Variants in KDM4B observed in about 807,000 individuals in gnomAD.
KDM4B encodes the protein lysine-specific demethylase 4B.
KDM4B carries 32 observed loss-of-function variants against 125.2 expected under a neutral mutation model. The observed-to-expected ratio is 0.26, with a 90% confidence interval of 0.19 to 0.34. The LOEUF (loss-of-function observed/expected upper bound fraction) is 0.34. KDM4B is among the 10% of genes least tolerant of loss of function. KDM4B has a pLI of 1.00. For synonymous variants in KDM4B, 721 were observed against 677.9 expected, an observed-to-expected ratio of 1.06 and a Z score of -0.99; for missense variants, 1,190 against 1,577.7, an observed-to-expected ratio of 0.75 and a Z score of 4.16.
chr19:4,992,830 C>A (rs1017345877), intron 1 of KDM4B, among the ~76,000 whole-genome samples: 3 of 152,162 alleles, frequency 2.0e-5, no homozygotes, highest in Non-Finnish European at 2.9e-5. Context: ...CTGTTCAACC[C>A]TGTGATTATT....
intron 13 of KDM4B, among the ~76,000 whole-genome samples, chr19:5,133,496 C>T (rs984214539): frequency 5.9e-5 from 9 of 152,192 alleles, no homozygotes; most frequent in Admixed American, 3.3e-4. Flanking sequence ...GTAGGGCAGC[C>T]GGGGCAGGGC....
intron 1 of KDM4B, among the ~76,000 whole-genome samples, chr19:5,014,607 C>T (rs1376423574): frequency 6.6e-6 from 1 of 152,152 alleles, no homozygotes; most frequent in Non-Finnish European, 1.5e-5. Flanking sequence ...GACAGAGTCT[C>T]ACTATGTTGG....
intron 11 of KDM4B, 85 bp downstream of exon 11, chr19:5,119,937 C>G (rs1322425585): frequency 9.8e-6 from 14 of 1,433,852 alleles, no homozygotes; most frequent in Non-Finnish European, 1.3e-5. Flanking sequence ...CCTGCTACAG[C>G]CAGAGTCCCC....
rs747587630 is a variant in KDM4B, at chr19:5,144,331, C to T, written c.2820C>T (p.Ile940=). 54 of 1,579,570 alleles carry T rather than the reference C, an allele frequency of 3.4e-5. No homozygotes were observed. Among genetic ancestry groups the T allele is most frequent in the East Asian group, 1.2e-4 (5 of 43,108 alleles). Residue 940 remains isoleucine (I), a synonymous_variant, in exon 20 of 23, where the codon ATC becomes ATT. Coordinates refer to ENST00000159111, the MANE Select transcript of KDM4B (RefSeq NM_015015.3). ...GGCTGTACTACCGCTGTCGCGTCAT[C>T]GGTGCCGCCTCGCAGACCTGCTACG... ...RNGLYYRCRV[I]GAASQTCYEV...
chr19:5,146,962 A>AAAC (rs374597561), intron 21 of KDM4B, among the ~76,000 whole-genome samples: 1 of 148,128 alleles, frequency 6.8e-6, no homozygotes, highest in African/African-American at 2.5e-5. Context: ...AAAAAAAAAA[A>AAAC]CAAAAACTCT....
chr19:5,074,273 AGGCAGCTGGGG>A (rs747278314), intron 7 of KDM4B: 11 of 152,386 alleles, frequency 7.2e-5, no homozygotes, highest in Non-Finnish European at 1.3e-4. Context: ...CCCCTCTGGA[AGGCAGCTGGGG>A]GCAGGATGGG....
chr19:5,025,860 T>A (rs555129939), intron 2 of KDM4B, among the ~76,000 whole-genome samples: 64 of 152,292 alleles, frequency 4.2e-4, no homozygotes, highest in South Asian at 3.7e-3. Context: ...TCCTTTTTTT[T>A]AAATTTATTT....
intron 2 of KDM4B, among the ~76,000 whole-genome samples, chr19:5,018,425 G>A (rs2035959588): frequency 2.0e-5 from 3 of 152,202 alleles, no homozygotes; most frequent in African/African-American, 7.2e-5. Context: ...GAGAGCACAG[G>A]AGACAGGAGT....
chr19:5,055,629 C>G (rs890750460), intron 6 of KDM4B, among the ~76,000 whole-genome samples: 4 of 151,934 alleles, frequency 2.6e-5, no homozygotes, highest in African/African-American at 9.7e-5. Context: ...GCTGGGAGGG[C>G]GCCCCGCAGC....
At position 5,071,003 on chromosome 19, in the gene KDM4B, C is replaced by G; in HGVS notation, c.627-7C>G. On this transcript the variant is annotated splice_polypyrimidine_tract_variant and splice_region_variant and intron_variant, in intron 6 of 22. Transcript: ENST00000159111. ...CTTGCCTCTGACGTGCCTCCCTTCTCTCGCAGGTACGCCATCCCACCAGAG... is the reference window on the plus strand; with the variant it reads ...CTTGCCTCTGACGTGCCTCCCTTCTGTCGCAGGTACGCCATCCCACCAGAG... 6.2e-7 allele frequency: 1 copy of G among 1,613,602 alleles called. No individual in the cohort carries two copies. Among genetic ancestry groups the G allele is most frequent in the Non-Finnish European group, 8.5e-7 (1 of 1,179,966 alleles).
intron 1 of KDM4B, among the ~76,000 whole-genome samples, chr19:4,979,064 G>A (rs2034551553): frequency 6.6e-6 from 1 of 152,020 alleles, no homozygotes; most frequent in South Asian, 2.1e-4. Context: ...GGGAGGATCG[G>A]TGGAGGCCAG....
In KDM4B at chr19:5,119,097, C is replaced by T. The variant is rs746110402; in HGVS notation, c.1116-556C>T. On this transcript the variant is annotated intron_variant, in intron 10 of 22. Transcript: ENST00000159111. ...TTGAGCAGAAGTCCTAGAGAAAAAACCCGTGAAATTTACATTCTAGACAAA... is the reference window on the plus strand; with the variant it reads ...TTGAGCAGAAGTCCTAGAGAAAAAATCCGTGAAATTTACATTCTAGACAAA... 6 of 1,452,130 alleles carry T rather than the reference C, an allele frequency of 4.1e-6. No individual in the cohort carries two copies. In the South Asian group the frequency reaches 7.3e-5, roughly 18 times the overall value. The allele number at this position is 1,452,130 out of a possible 1,614,324, so 90.0% of individuals were successfully genotyped here. A position where few individuals can be genotyped will look rare whatever the true frequency, so the allele number is the denominator to read the frequency against.
chr19:5,057,944 C>G (rs557610366), intron 6 of KDM4B, among the ~76,000 whole-genome samples: 1 of 152,298 alleles, frequency 6.6e-6, no homozygotes, highest in South Asian at 2.1e-4. Flanking sequence ...TGTGTGGTGT[C>G]CAAGGTCGCC....
At position 5,142,471 on chromosome 19, in the gene KDM4B, G is replaced by A. The variant is rs934452085; in HGVS notation, c.2551-1496G>A. Among the ~76,000 whole-genome samples, 3 of 152,184 alleles carry A rather than the reference G, an allele frequency of 2.0e-5. No homozygotes were observed. Among genetic ancestry groups the A allele is most frequent in the Non-Finnish European group, 4.4e-5 (3 of 68,026 alleles). ...GGTCCGGGGGCACGCTTTTCACAACGTGGAGATGCAGGGTCATGGGCTGCC... is the reference window on the plus strand; with the variant it reads ...GGTCCGGGGGCACGCTTTTCACAACATGGAGATGCAGGGTCATGGGCTGCC... On this transcript the variant is annotated intron_variant, in intron 18 of 22. Transcript: ENST00000159111. The surrounding 1 kb of genome is among the most constrained non-coding windows in gnomAD (Gnocchi z 5.4).
At chr19:5,086,648 C>G (rs575970207) in intron 9 of KDM4B, among the ~76,000 whole-genome samples, 3 of 152,312 alleles carry the variant, frequency 2.0e-5, no homozygotes, top group African/African-American at 7.2e-5. Flanking sequence ...CACCTCCTCC[C>G]CCCCCCAGCC....
At chr19:4,973,264 C>G (rs1163729812) in intron 1 of KDM4B, among the ~76,000 whole-genome samples, 1 of 152,206 alleles carries the variant, frequency 6.6e-6, no homozygotes, top group Non-Finnish European at 1.5e-5. Context: ...TCTCAGCTCA[C>G]TGCAACCTCC....
Position 5,081,068 on chromosome 19 carries a change from C to G in KDM4B, c.781-1299C>G, listed in dbSNP as rs918811176. On this transcript the variant is annotated intron_variant, in intron 8 of 22. Coordinates refer to ENST00000159111, the MANE Select transcript of KDM4B (RefSeq NM_015015.3). The surrounding 1 kb of genome is among the most constrained non-coding windows in gnomAD (Gnocchi z 4.2). Reference sequence around the variant, plus strand: ...GGTAGAGGGCTGGTAGGAGGGGTGCCTGGGGGCCCGGCATGTTTTGTTCCT... The same window carrying G: ...GGTAGAGGGCTGGTAGGAGGGGTGCGTGGGGGCCCGGCATGTTTTGTTCCT... 1 of 152,208 alleles carries G rather than the reference C, an allele frequency of 6.6e-6. No homozygotes were observed. The highest frequency in any genetic ancestry group is 2.4e-5 in the African/African-American group (1 of 41,438). The allele number at this position is 152,208 out of a possible 1,614,324, so 9.4% of individuals were successfully genotyped here.
At chr19:5,067,165 G>C (rs1357976194) in intron 6 of KDM4B, among the ~76,000 whole-genome samples, 1 of 152,054 alleles carries the variant, frequency 6.6e-6, no homozygotes, top group South Asian at 2.1e-4. Flanking sequence ...CATACCCCAG[G>C]GCACCTGCTC....
chr19:5,079,834 T>C (rs965470798), intron 8 of KDM4B, among the ~76,000 whole-genome samples: 1 of 147,554 alleles, frequency 6.8e-6, no homozygotes, highest in Non-Finnish European at 1.5e-5. Context: ...CCCAAAATGC[T>C]GGGATTACAG....
Sources: gnomAD v4.1 joint callset for allele counts (sites outside exome capture counted in the v4.1 genomes callset) on GRCh38, gnomAD v4.1.1 for gene constraint, Gnocchi (gnomAD v3.1) non-coding constraint, MANE v1.5 for transcripts, NCBI Gene and HGNC (gene_info 2026-07-23, HGNC 2026-07-21) for gene names.